The following POU6F2 variants were observed in gnomAD, a reference collection of about 807,000 sequenced individuals.
The protein encoded by POU6F2 is POU class 6 homeobox 2, also known as POU domain, class 6, transcription factor 2.
In POU6F2, 31 loss-of-function variants were observed where a neutral mutation model predicts 71.3. That is an observed-to-expected ratio of 0.43 (90% CI 0.33 to 0.59). The LOEUF (loss-of-function observed/expected upper bound fraction) is 0.59. Ranked by LOEUF, POU6F2 falls within the 20% of genes least tolerant of loss-of-function variation. The pLI is 0.04. For missense variants in POU6F2, 783 were observed against 856.8 expected, an observed-to-expected ratio of 0.91 and a Z score of 1.07; for synonymous variants, 347 against 355.7, an observed-to-expected ratio of 0.98 and a Z score of 0.27.
At chr7:39,453,311 A>C (rs903020874) in intron 8 of POU6F2, among the ~76,000 whole-genome samples, 4 of 152,254 alleles carry the variant, frequency 2.6e-5, no homozygotes, top group African/African-American at 9.6e-5. Flanking sequence ...CTAATTAAAA[A>C]AAAAAACTTT....
At chr7:39,229,351 C>A (rs892319111) in intron 4 of POU6F2, among the ~76,000 whole-genome samples, 1 of 152,180 alleles carries the variant, frequency 6.6e-6, no homozygotes, top group Non-Finnish European at 1.5e-5. Flanking sequence ...TTTCCTTTGC[C>A]CTCATTAGCA....
intron 1 of POU6F2, among the ~76,000 whole-genome samples, chr7:39,062,738 G>A (rs187199462): frequency 2.2e-4 from 33 of 150,150 alleles, no homozygotes; most frequent in African/African-American, 8.1e-4. Context: ...CTCATAGAAG[G>A]GACAAAGAAA....
intron 1 of POU6F2, among the ~76,000 whole-genome samples, chr7:39,073,756 C>T (rs1168946666): frequency 6.6e-6 from 1 of 152,238 alleles, no homozygotes; most frequent in Non-Finnish European, 1.5e-5. Context: ...AACGCTGGAG[C>T]AACCAAGCCA....
intron 5 of POU6F2, among the ~76,000 whole-genome samples, chr7:39,380,197 A>G (rs953115533): frequency 6.6e-6 from 1 of 152,196 alleles, no homozygotes; most frequent in Non-Finnish European, 1.5e-5. Context: ...TTTATTTGTT[A>G]TACTCTAAGA....
intron 2 of POU6F2, among the ~76,000 whole-genome samples, chr7:39,146,405 C>T (rs1173269973): frequency 6.6e-6 from 1 of 152,144 alleles, no homozygotes; most frequent in African/African-American, 2.4e-5. Flanking sequence ...CTCAGGAAAC[C>T]TCTTTGTAAG....
chr7:39,112,737 G>T (rs1584548719), intron 2 of POU6F2, among the ~76,000 whole-genome samples: 2 of 152,022 alleles, frequency 1.3e-5, no homozygotes, highest in South Asian at 4.1e-4. Flanking sequence ...AAACTTGACT[G>T]GCACTCTGGA....
intron 4 of POU6F2, among the ~76,000 whole-genome samples, chr7:39,210,038 CT>C (rs1162795713): frequency 2.0e-5 from 3 of 152,180 alleles, no homozygotes; most frequent in Non-Finnish European, 4.4e-5. Flanking sequence ...AGGCTGTTTC[CT>C]TTCCCCCATC....
At chr7:39,242,614 T>C (rs985224293) in intron 4 of POU6F2, among the ~76,000 whole-genome samples, 3 of 152,004 alleles carry the variant, frequency 2.0e-5, no homozygotes, top group South Asian at 2.1e-4. Flanking sequence ...TAGGGTCTTG[T>C]TATGAAAATC....
At chr7:39,092,995 T>TA (rs982938207) in intron 2 of POU6F2, among the ~76,000 whole-genome samples, 1 of 152,142 alleles carries the variant, frequency 6.6e-6, no homozygotes, top group African/African-American at 2.4e-5. Flanking sequence ...GCTTCCACTT[T>TA]AAAAAATTTC....
chr7:39,253,954 G>A (rs560223783), intron 4 of POU6F2, among the ~76,000 whole-genome samples: 189 of 152,144 alleles, frequency 1.2e-3, no homozygotes, highest in Non-Finnish European at 2.1e-3. Flanking sequence ...CAACTATAAG[G>A]AGTTGTCATA....
At chr7:39,463,437 G>A (rs1788993327) in intron 9 of POU6F2, among the ~76,000 whole-genome samples, 1 of 152,182 alleles carries the variant, frequency 6.6e-6, no homozygotes, top group South Asian at 2.1e-4. Flanking sequence ...GAAGGCAGGA[G>A]GTGGCCTTAG....
Position 39,406,876 on chromosome 7 carries a change from A to G in POU6F2, c.1113+136A>G, listed in dbSNP as rs113444984. The G allele has an allele frequency of 3.3e-3, 4,037 of 1,234,686 alleles. 64 individuals are homozygous for G. The African/African-American group carries it at 0.036, about 11-fold the overall frequency. 76.5% of individuals were successfully genotyped at this position (1,234,686 alleles called of 1,614,324 possible). On this transcript the variant is annotated intron_variant, in intron 6 of 9. Transcript: ENST00000518318. ...TAAATAATGTTTACTAGCAATGTCA[A>G]GAATAGGAGAAGGGTTGGGAGGTGT...
intron 1 of POU6F2, among the ~76,000 whole-genome samples, chr7:38,983,032 A>T (rs1025962886): frequency 2.0e-5 from 3 of 152,132 alleles, no homozygotes; most frequent in African/African-American, 7.2e-5. Flanking sequence ...AATATAATTA[A>T]CATGTCTGCA....
intron 5 of POU6F2, 81 bp from the exon 6 acceptor site, chr7:39,406,519 C>A (rs866917384): frequency 2.0e-6 from 3 of 1,516,078 alleles, no homozygotes; most frequent in Non-Finnish European, 1.8e-6. Flanking sequence ...CGAGAACTAC[C>A]TCCCCAGAGT....
intron 1 of POU6F2, among the ~76,000 whole-genome samples, chr7:39,001,747 T>G (rs1210854894): frequency 6.6e-6 from 1 of 151,946 alleles, no homozygotes; most frequent in Non-Finnish European, 1.5e-5. Flanking sequence ...GTGATGGTGA[T>G]GTTGGTGATG....
chr7:39,132,187 C>T (rs1289365438), intron 2 of POU6F2, among the ~76,000 whole-genome samples: 1 of 152,136 alleles, frequency 6.6e-6, no homozygotes, highest in Admixed American at 6.6e-5. Flanking sequence ...AGTTCCAGAT[C>T]AAATGTAATT....
At chr7:39,377,333 G>A (rs1786730028) in intron 5 of POU6F2, among the ~76,000 whole-genome samples, 1 of 152,014 alleles carries the variant, frequency 6.6e-6, no homozygotes, top group Non-Finnish European at 1.5e-5. Context: ...GTTTTGCCAT[G>A]TTGGCCAGGC....
At chr7:39,027,271 T>C (rs1789830786) in intron 1 of POU6F2, among the ~76,000 whole-genome samples, 1 of 152,170 alleles carries the variant, frequency 6.6e-6, no homozygotes, top group African/African-American at 2.4e-5. Context: ...CAACTGGATA[T>C]CCTTCTGGAA....
At chr7:39,066,571 A>C (rs1486886347) in intron 1 of POU6F2, among the ~76,000 whole-genome samples, 1 of 151,738 alleles carries the variant, frequency 6.6e-6, no homozygotes, top group Non-Finnish European at 1.5e-5. Context: ...ACAACACATA[A>C]AATATTTGGA....
Sources: gnomAD v4.1 joint callset for allele counts (sites outside exome capture counted in the v4.1 genomes callset) on GRCh38, gnomAD v4.1.1 for gene constraint, MANE v1.5 for transcripts, NCBI Gene and HGNC (gene_info 2026-07-23, HGNC 2026-07-21) for gene names.